The following RBBP8NL variants were observed in gnomAD, a reference collection of about 807,000 sequenced individuals.
RBBP8NL encodes RBBP8 N-terminal-like protein.
RBBP8NL carries 59 observed loss-of-function variants against 62.2 expected under a neutral mutation model. The observed-to-expected ratio is 0.95, with a 90% CI of 0.77 to 1.18. The LOEUF (loss-of-function observed/expected upper bound fraction) is 1.18. Among genes scored for constraint, RBBP8NL ranks in the 50% most tolerant of loss-of-function variants. The probability of loss-of-function intolerance (pLI) is 0.00; values close to 1 mark genes in which losing one functional copy is unlikely to be tolerated. For synonymous variants in RBBP8NL, 412 were observed against 394.1 expected (o/e 1.05, Z -0.54); for missense variants, 896 against 899.5 (o/e 1.00, Z 0.05).
At chr20:62,411,929 C>T (rs1406357610) in intron 13 of RBBP8NL, among the ~76,000 whole-genome samples, 1 of 152,266 alleles carries the variant, frequency 6.6e-6, no homozygotes, top group African/African-American at 2.4e-5. Flanking sequence ...TGCCTGCGGG[C>T]CTTGCCCGGA....
In RBBP8NL at chr20:62,419,679, G is replaced by C; in HGVS notation, c.-32C>G. The C allele has an allele frequency of 6.2e-7, 1 of 1,611,034 alleles. No homozygotes were observed. The highest frequency in any genetic ancestry group is 8.5e-7 in the Non-Finnish European group (1 of 1,179,346). ...CTGTGGCCCTGGCCCGGGCCCCTCT[G>C]CGCTGGGGTTGTGGAGACGCCTGCA... On this transcript the variant is annotated 5_prime_UTR_variant, in exon 2 of 14. Transcript: ENST00000252998.
intron 2 of RBBP8NL, among the ~76,000 whole-genome samples, 199 bp downstream of exon 2, chr20:62,419,388 G>A (rs1350753978): frequency 6.6e-6 from 1 of 152,268 alleles, no homozygotes; most frequent in East Asian, 1.9e-4. Context: ...GTCAGCACTC[G>A]GGCCCAGGCA....
At position 62,417,233 on chromosome 20, in the gene RBBP8NL, A is replaced by T; in HGVS notation, c.191T>A (p.Leu64Gln). 6.2e-7 allele frequency: 1 copy of T among 1,601,562 alleles called. No homozygotes were observed. The highest frequency in any genetic ancestry group is 8.5e-7 in the Non-Finnish European group (1 of 1,174,000). Residue 64 changes from leucine (L) to glutamine (Q), a missense_variant, in exon 4 of 14, where the codon CTG (leucine) becomes CAG (glutamine). Coordinates refer to ENST00000252998, the MANE Select transcript of RBBP8NL (RefSeq NM_080833.3). ...GTCCTCCCAGGCCCACCTGTTCTCC[A>T]GCACCCGCAGGTTCTCCTTCAGTGT... ...QKTLKENLRVLENRLRAGLCD... is the reference protein window; with the variant it reads ...QKTLKENLRVQENRLRAGLCD...
rs373220648 is a variant in RBBP8NL at position 62,413,742 on chromosome 20, G to A, written c.1530+79C>T. ...GTGGGCAGAGGGAAAAGAGCAGCCC[G>A]AGGTCTGGGGGGAGGCCGGCCCGGG... On this transcript the variant is annotated intron_variant, in intron 10 of 13. Coordinates refer to ENST00000252998, the MANE Select transcript of RBBP8NL (RefSeq NM_080833.3). The A allele has an allele frequency of 1.4e-4, 210 of 1,487,376 alleles. 2 individuals are homozygous for A. The East Asian group carries it at 3.3e-3, about 23-fold the overall frequency. The allele number at this position is 1,487,376 out of a possible 1,614,324, so 92.1% of individuals were successfully genotyped here. A position where few individuals can be genotyped will look rare whatever the true frequency, so the allele number is the denominator to read the frequency against.
In RBBP8NL at chr20:62,415,900, G is replaced by C. The variant is rs770023127; in HGVS notation, c.432C>G (p.Pro144=). The C allele has an allele frequency of 6.3e-6, 10 of 1,589,190 alleles. No homozygotes were observed. Among genetic ancestry groups the C allele is most frequent in the Non-Finnish European group, 8.5e-6 (10 of 1,169,710 alleles). Reference sequence around the variant, plus strand: ...CAGGGGAGGGGAGCAGCAGGGGTGAGGGGGGGTCCGAGGTGCCCTCCTTGG... The same window carrying C: ...CAGGGGAGGGGAGCAGCAGGGGTGACGGGGGGTCCGAGGTGCCCTCCTTGG... ...PRAKEGTSDP[P]SPLLLPSPGG... is the part of the protein sequence containing the mutation. Residue 144 remains proline (P), a synonymous_variant, in exon 7 of 14, where the codon CCC becomes CCG. Transcript: ENST00000252998.
In RBBP8NL at chr20:62,415,571, C is replaced by T. The variant is rs754167964; in HGVS notation, c.627+7G>A. ...GCACATGGTGGGCTCCCGGTCCCTG[C>T]CCTTACCATGTCTGGGGCTCGCGAC... is the stretch of plus-strand genomic sequence containing the variant. On this transcript the variant is annotated splice_region_variant and intron_variant, in intron 8 of 13. Transcript: ENST00000252998. The T allele has an allele frequency of 4.3e-6, 7 of 1,612,508 alleles. No individual in the cohort carries two copies. The highest frequency in any genetic ancestry group is 5.9e-6 in the Non-Finnish European group (7 of 1,179,878).
intron 5 of RBBP8NL, 128 bp from the exon 6 acceptor site, chr20:62,416,364 G>A (rs1376829605): frequency 1.5e-5 from 12 of 824,844 alleles, no homozygotes; most frequent in South Asian, 3.0e-5. Context: ...CTGGCAGGCA[G>A]CAGGGGCGCC....
In RBBP8NL at chr20:62,415,558, C is replaced by A. The variant is rs377340810; in HGVS notation, c.627+20G>T. On this transcript the variant is annotated intron_variant, in intron 8 of 13. Coordinates refer to ENST00000252998, the MANE Select transcript of RBBP8NL (RefSeq NM_080833.3). ...CGCCGGCCCAGCTGCACATGGTGGGCTCCCGGTCCCTGCCCTTACCATGTC... is the reference window on the plus strand; with the variant it reads ...CGCCGGCCCAGCTGCACATGGTGGGATCCCGGTCCCTGCCCTTACCATGTC... The A allele has an allele frequency of 6.2e-6, 10 of 1,611,876 alleles. No homozygotes were observed. Among genetic ancestry groups the A allele is most frequent in the Non-Finnish European group, 6.8e-6 (8 of 1,179,410 alleles).
rs1452014276 is a variant in RBBP8NL at position 62,414,071 on chromosome 20, C to T, written c.1280G>A (p.Arg427Lys). Residue 427 changes from arginine (R) to lysine (K), a missense_variant, in exon 10 of 14, where the codon AGG (arginine) becomes AAG (lysine). Coordinates refer to ENST00000252998, the MANE Select transcript of RBBP8NL (RefSeq NM_080833.3). The part of the protein sequence containing the change: ...TQPAGPGRAQ[R>K]TEAAATQDCA... ...GTCCTGCGTGGCTGCAGCCTCTGTC[C>T]TCTGGGCGCGGCCCGGGCCTGCAGG... The T allele has an allele frequency of 3.1e-6, 5 of 1,595,748 alleles. No homozygotes were observed. The highest frequency in any genetic ancestry group is 4.3e-6 in the Non-Finnish European group (5 of 1,173,006).
intron 2 of RBBP8NL, among the ~76,000 whole-genome samples, chr20:62,419,227 C>T (rs73319068): frequency 0.059 from 9,052 of 152,268 alleles, 909 homozygotes; most frequent in African/African-American, 0.2. Flanking sequence ...CTTTCTGCCA[C>T]GCTGGAGGCC....
rs1284457220 is a variant in RBBP8NL at position 62,412,848 on chromosome 20, TGTCTCATCCAGTTC to T, written c.1714_1727del (p.Glu572ArgfsTer25). ...GACCCACCTCGCTGCCTGGGGTGTCTGTCTCATCCAGTTCGTCGGACTCTGGTCTCAGCACTTCA... is the reference window on the plus strand; with the variant it reads ...GACCCACCTCGCTGCCTGGGGTGTCTGTCGGACTCTGGTCTCAGCACTTCA... On this transcript the variant is annotated frameshift_variant, in exon 12 of 14. Transcript: ENST00000252998. LOFTEE classifies it high-confidence loss of function. The T allele has an allele frequency of 5.6e-6, 9 of 1,613,420 alleles. No individual in the cohort carries two copies. Among genetic ancestry groups the T allele is most frequent in the Non-Finnish European group, 7.6e-6 (9 of 1,180,008 alleles).
intron 1 of RBBP8NL, among the ~76,000 whole-genome samples, chr20:62,420,562 C>T (rs976258748): frequency 6.6e-6 from 1 of 152,128 alleles, no homozygotes; most frequent in Non-Finnish European, 1.5e-5. Flanking sequence ...TGTACACAGA[C>T]AGGGATGCCC....
intron 1 of RBBP8NL, among the ~76,000 whole-genome samples, chr20:62,424,953 T>C (rs541185160): frequency 3.8e-4 from 52 of 138,654 alleles, no homozygotes; most frequent in African/African-American, 1.3e-3. Context: ...GGCTGGAGAG[T>C]CAGTCTGGGC....
chr20:62,415,890 G>T lies in RBBP8NL; in HGVS notation c.442C>A (p.Leu148Met). 6.2e-7 allele frequency: 1 copy of T among 1,602,700 alleles called. No individual in the cohort carries two copies. Among genetic ancestry groups the T allele is most frequent in the Non-Finnish European group, 8.5e-7 (1 of 1,176,148 alleles). ...EGTSDPPSPLLLPSPGGWKAI... is the reference protein window; with the variant it reads ...EGTSDPPSPLMLPSPGGWKAI... ...TTCCAGCCACCAGGGGAGGGGAGCA[G>T]CAGGGGTGAGGGGGGGTCCGAGGTG... is the stretch of plus-strand genomic sequence containing the variant. Residue 148 changes from leucine to methionine, a missense_variant, in exon 7 of 14, where the codon CTG becomes ATG. By Grantham distance (15) the Leu-to-Met change is conservative. Transcript: ENST00000252998.
Position 62,414,537 on chromosome 20 carries a change from G to C in RBBP8NL, c.814C>G (p.Pro272Ala). The C allele has an allele frequency of 7.0e-7, 1 of 1,428,304 alleles. No homozygotes were observed. The allele number at this position is 1,428,304 out of a possible 1,614,324, so 88.5% of individuals were successfully genotyped here. Residue 272 changes from proline to alanine, a missense_variant, in exon 10 of 14, where the codon CCC (proline) becomes GCC (alanine). Pro to Ala is a conservative substitution (Grantham distance 27, BLOSUM62 -1). Transcript: ENST00000252998. ...GGGGCCTCATGGGTCATGGCGGAGG[G>C]CCGGGAGGCCCGCAGGAAGCTGTGA... ...SLDSFLRASR[P>A]SAMTHEAPKL...
chr20:62,412,443 C>T (rs1289389901), intron 13 of RBBP8NL, among the ~76,000 whole-genome samples, 181 bp downstream of exon 13: 18 of 152,244 alleles, frequency 1.2e-4, no homozygotes, highest in Admixed American at 7.2e-4. Context: ...GAAGGACTCA[C>T]TCCGGCCACC....
chr20:62,416,289 A>AGGGGGGGGGGGGGGGGG, intron 5 of RBBP8NL, 53 bp from the exon 6 acceptor site: 1 of 117,580 alleles, frequency 8.5e-6, no homozygotes, highest in East Asian at 1.9e-4. Context: ...GGACAGGGGC[A>AGGGGGGGGGGGGGGGGG]GGGGTGGGGT....
At chr20:62,411,689 C>T (rs1224145121) in intron 13 of RBBP8NL, among the ~76,000 whole-genome samples, 1 of 152,240 alleles carries the variant, frequency 6.6e-6, no homozygotes, top group Non-Finnish European at 1.5e-5. Context: ...TCTCACTGAT[C>T]GCCACAGCAG....
At position 62,415,895 on chromosome 20, in the gene RBBP8NL, G is replaced by A. The variant is rs1437063562; in HGVS notation, c.437C>T (p.Pro146Leu). 1 of 1,596,290 alleles carries A rather than the reference G, an allele frequency of 6.3e-7. No homozygotes were observed. Among genetic ancestry groups the A allele is most frequent in the Non-Finnish European group, 8.5e-7 (1 of 1,173,300 alleles). The change falls in exon 7 of 14, where the codon CCC becomes CTC. Residue 146 changes from proline to leucine, a missense_variant. Coordinates refer to ENST00000252998, the MANE Select transcript of RBBP8NL (RefSeq NM_080833.3). ...AKEGTSDPPS[P>L]LLLPSPGGWK... Reference sequence around the variant, plus strand: ...GCCACCAGGGGAGGGGAGCAGCAGGGGTGAGGGGGGGTCCGAGGTGCCCTC... The same window carrying A: ...GCCACCAGGGGAGGGGAGCAGCAGGAGTGAGGGGGGGTCCGAGGTGCCCTC...
Sources: gnomAD v4.1 joint callset for allele counts (sites outside exome capture counted in the v4.1 genomes callset) on GRCh38, gnomAD v4.1.1 for gene constraint, MANE v1.5 for transcripts, NCBI Gene and HGNC (gene_info 2026-07-23, HGNC 2026-07-21) for gene names.